The following ZFP36L1 variants were observed in gnomAD, a reference collection of about 807,000 sequenced individuals.
ZFP36L1 encodes mRNA decay activator protein ZFP36L1.
ZFP36L1 carries 4 observed loss-of-function variants against 16.7 expected under a neutral mutation model. That is an observed-to-expected ratio of 0.24 (90% confidence interval 0.12 to 0.55). ZFP36L1 has a LOEUF of 0.55. Among genes scored for constraint, ZFP36L1 ranks in the 20% least tolerant of loss-of-function variants. The probability of loss-of-function intolerance (pLI) is 0.94; values close to 1 mark genes in which losing one functional copy is unlikely to be tolerated. For synonymous variants in ZFP36L1, 220 were observed against 190.8 expected (o/e 1.15, Z -1.26); for missense variants, 311 against 449.2 (o/e 0.69, Z 2.78).
chr14:68,788,592 CT>C lies in ZFP36L1; in HGVS notation c.*940del, dbSNP rs878860578. On this transcript the variant is annotated 3_prime_UTR_variant, in exon 2 of 2. Coordinates refer to ENST00000439696, the MANE Select transcript of ZFP36L1 (RefSeq NM_004926.4). ...AATACCATTAACTGCTCACCCCTTACTTTTTTTTTTTTAGCTTTTCTCTCAT... is the reference window on the plus strand; with the variant it reads ...AATACCATTAACTGCTCACCCCTTACTTTTTTTTTTTAGCTTTTCTCTCAT... 253 of 142,464 alleles carry C rather than the reference CT, an allele frequency of 1.8e-3. No individual in the cohort carries two copies. Among genetic ancestry groups the C allele is most frequent in the Middle Eastern group, 7.1e-3 (2 of 280 alleles). 8.8% of individuals were successfully genotyped at this position (142,464 alleles called of 1,614,324 possible).
At chr14:68,795,326 CAA>C (rs990365946), upstream of ZFP36L1, among the ~76,000 whole-genome samples, 1 of 147,974 alleles carries the variant, frequency 6.8e-6, no homozygotes, top group East Asian at 2.1e-4. Context: ...CCACCCCCCC[CAA>C]AAAAGAGGCC....
In ZFP36L1 at chr14:68,790,199, C is replaced by G; in HGVS notation, c.351G>C (p.Thr117=). Residue 117 remains threonine (T), a synonymous_variant, in exon 2 of 2, where the codon ACG becomes ACC. Transcript: ENST00000439696. Reference sequence around the variant, plus strand: ...TTTCCTCAAAGGGGCGGCACAGCTCCGTCTTGTAGCGGCTGGAGTTGACCT... The same window carrying G: ...TTTCCTCAAAGGGGCGGCACAGCTCGGTCTTGTAGCGGCTGGAGTTGACCT... ...GGQVNSSRYK[T]ELCRPFEENG... The G allele has an allele frequency of 6.2e-7, 1 of 1,613,482 alleles. No homozygotes were observed. The highest frequency in any genetic ancestry group is 1.3e-5 in the African/African-American group (1 of 75,016).
rs958734227 is a variant in ZFP36L1 at position 68,788,229 on chromosome 14, C to T, written c.*1304G>A. The T allele has an allele frequency of 5.9e-5, 9 of 151,424 alleles. No individual in the cohort carries two copies. Among genetic ancestry groups the T allele is most frequent in the Non-Finnish European group, 7.4e-5 (5 of 67,894 alleles). 9.4% of individuals were successfully genotyped at this position (151,424 alleles called of 1,614,324 possible). ...ACTGTGGAAAAAAAGGAAAAAGACACGTCACAAAATTTTAAGATTAATATG... is the reference window on the plus strand; with the variant it reads ...ACTGTGGAAAAAAAGGAAAAAGACATGTCACAAAATTTTAAGATTAATATG... On this transcript the variant is annotated 3_prime_UTR_variant, in exon 2 of 2. Coordinates refer to ENST00000439696, the MANE Select transcript of ZFP36L1 (RefSeq NM_004926.4).
rs1895037883 is a variant in ZFP36L1 at position 68,790,414 on chromosome 14, C to A, written c.136G>T (p.Gly46Cys). 2 of 1,613,954 alleles carry A rather than the reference C, an allele frequency of 1.2e-6. No individual in the cohort carries two copies. Among genetic ancestry groups the A allele is most frequent in the Non-Finnish European group, 8.5e-7 (1 of 1,179,942 alleles). ...LDRKAVGTPA[G>C]GGFPRRHSVT... is the part of the protein sequence containing the mutation. ...GAGTGCCTCCGAGGGAAGCCCCCAC[C>A]AGCAGGGGTGCCCACTGCCTTTCTG... Residue 46 changes from glycine (G) to cysteine (C), a missense_variant, in exon 2 of 2, where the codon GGT becomes TGT. By Grantham distance (159) the Gly-to-Cys change is radical (BLOSUM62 -3). Around this residue, in one of 4 missense-constraint regions of ZFP36L1, gnomAD observed 137 missense variants for 142.6 expected, o/e 0.96. Coordinates refer to ENST00000439696, the MANE Select transcript of ZFP36L1 (RefSeq NM_004926.4).
intron 1 of ZFP36L1, chr14:68,791,355 A>G: frequency 4.3e-6 from 2 of 467,954 alleles, no homozygotes; most frequent in Non-Finnish European, 3.8e-6. Context: ...CCCACCTCCT[A>G]GTCAATAGCG....
In ZFP36L1 at chr14:68,788,175, A is replaced by G. The variant is rs1328946578; in HGVS notation, c.*1358T>C. 6.6e-6 allele frequency: 1 copy of G among 152,162 alleles called. No homozygotes were observed. The highest frequency in any genetic ancestry group is 1.5e-5 in the Non-Finnish European group (1 of 68,026). 9.4% of individuals were successfully genotyped at this position (152,162 alleles called of 1,614,324 possible). A position where few individuals can be genotyped will look rare whatever the true frequency, so the allele number is the denominator to read the frequency against. On this transcript the variant is annotated 3_prime_UTR_variant, in exon 2 of 2. Transcript: ENST00000439696. ...TAACCAAAAAAGTGTAAAGTTACAA[A>G]AAATGTCGTTGAAGAATAATATATT... is the stretch of plus-strand genomic sequence containing the variant.
intron 1 of ZFP36L1, among the ~76,000 whole-genome samples, chr14:68,792,136 T>G (rs1895092515): frequency 6.6e-6 from 1 of 151,954 alleles, no homozygotes; most frequent in African/African-American, 2.4e-5. Flanking sequence ...CCCCATTAAA[T>G]CCTTACTCGC....
chr14:68,794,690 G>C (rs1179162071), upstream of ZFP36L1: 3 of 152,418 alleles, frequency 2.0e-5, no homozygotes, highest in African/African-American at 7.2e-5. Flanking sequence ...TCTTTGGAAA[G>C]GACGGGGCGG....
intron 1 of ZFP36L1, among the ~76,000 whole-genome samples, chr14:68,792,621 G>C (rs1895123261): frequency 6.6e-6 from 1 of 152,210 alleles, no homozygotes; most frequent in South Asian, 2.1e-4. Context: ...AAGCCCCCGG[G>C]CTGCCCTGCC....
chr14:68,789,864 G>A lies in ZFP36L1; in HGVS notation c.686C>T (p.Pro229Leu). ...GAGGTCATCGGCGCTCAGAATAGGG[G>A]GTGGGGTGATGGACGTGGGGCTGTC... ...LLDSPTSITP[P>L]PILSADDLLG... Residue 229 changes from proline (P) to leucine (L), a missense_variant, in exon 2 of 2, where the codon CCC (proline) becomes CTC (leucine). By Grantham distance (98) the Pro-to-Leu change is moderately conservative. This residue lies in a region of ZFP36L1 where 147 missense variants were observed against 192.0 expected (regional missense o/e 0.77). Transcript: ENST00000439696. This position sits in a 1 kb window ranked among gnomAD's most constrained non-coding sequence, Gnocchi z 4.5. The A allele has an allele frequency of 6.2e-7, 1 of 1,610,800 alleles. No homozygotes were observed. The highest frequency in any genetic ancestry group is 8.5e-7 in the Non-Finnish European group (1 of 1,180,018).
rs1351863593 is a variant in ZFP36L1 at position 68,790,408 on chromosome 14, C to A, written c.142G>T (p.Gly48Cys). Reference sequence around the variant, plus strand: ...GTGACTGAGTGCCTCCGAGGGAAGCCCCCACCAGCAGGGGTGCCCACTGCC... The same window carrying A: ...GTGACTGAGTGCCTCCGAGGGAAGCACCCACCAGCAGGGGTGCCCACTGCC... ...RKAVGTPAGG[G>C]FPRRHSVTLP... The change falls in exon 2 of 2, where the codon GGC (glycine) becomes TGC (cysteine). Residue 48 changes from glycine (G) to cysteine (C), a missense_variant. Coordinates refer to ENST00000439696, the MANE Select transcript of ZFP36L1 (RefSeq NM_004926.4). 5 of 1,613,770 alleles carry A rather than the reference C, an allele frequency of 3.1e-6. No individual in the cohort carries two copies. In the Admixed American group the frequency reaches 8.3e-5, roughly 27 times the overall value.
In ZFP36L1 at chr14:68,789,971, A is replaced by T. The variant is rs537181795; in HGVS notation, c.579T>A (p.Ala193=). The change falls in exon 2 of 2, where the codon GCT becomes GCA. Residue 193 remains alanine (A), a synonymous_variant. Coordinates refer to ENST00000439696, the MANE Select transcript of ZFP36L1 (RefSeq NM_004926.4). The surrounding 1 kb of genome is among the most constrained non-coding windows in gnomAD (Gnocchi z 4.5). ...RALAGARDLS[A]DRPRLQHSFS... is the part of the protein sequence containing the mutation. ...AGCTATGCTGGAGGCGGGGACGGTC[A>T]GCGGAGAGGTCCCGGGCCCCGGCCA... 2 of 1,606,518 alleles carry T rather than the reference A, an allele frequency of 1.2e-6. No homozygotes were observed. The highest frequency in any genetic ancestry group is 2.7e-5 in the African/African-American group (2 of 74,830).
At position 68,790,106 on chromosome 14, in the gene ZFP36L1, G is replaced by A. The variant is rs1418681507; in HGVS notation, c.444C>T (p.Thr148=). The A allele has an allele frequency of 1.2e-6, 2 of 1,611,132 alleles. No homozygotes were observed. Residue 148 remains threonine (T), a synonymous_variant, in exon 2 of 2, where the codon ACC becomes ACT. Transcript: ENST00000439696. ...AHGIHELRSL[T]RHPKYKTELC... is the part of the protein sequence containing the mutation. The stretch of plus-strand genomic sequence containing the variant: ...GCTCCGTCTTGTACTTGGGGTGGCG[G>A]GTCAGGCTGCGGAGCTCGTGGATGC...
intron 1 of ZFP36L1, among the ~76,000 whole-genome samples, chr14:68,792,068 C>G (rs1895089956): frequency 6.6e-6 from 1 of 152,228 alleles, no homozygotes; most frequent in Admixed American, 6.5e-5. Flanking sequence ...CTGGAACATT[C>G]CGAGTTTAAA....
chr14:68,792,173 T>A (rs1895093996), intron 1 of ZFP36L1, among the ~76,000 whole-genome samples: 1 of 152,124 alleles, frequency 6.6e-6, no homozygotes, highest in East Asian at 1.9e-4. Context: ...AGCCAGCATT[T>A]TGTCGCCACC....
Position 68,789,262 on chromosome 14 carries a change from A to G in ZFP36L1, c.*271T>C, listed in dbSNP as rs1269113902. 2.2e-6 allele frequency: 1 copy of G among 448,824 alleles called. No individual in the cohort carries two copies. Among genetic ancestry groups the G allele is most frequent in the Non-Finnish European group, 4.0e-6 (1 of 251,980 alleles). The allele number at this position is 448,824 out of a possible 1,614,324, so 27.8% of individuals were successfully genotyped here. On this transcript the variant is annotated 3_prime_UTR_variant, in exon 2 of 2. Coordinates refer to ENST00000439696, the MANE Select transcript of ZFP36L1 (RefSeq NM_004926.4). The surrounding 1 kb of genome is among the most constrained non-coding windows in gnomAD (Gnocchi z 4.5). ...AAGGCATCTACTGACAAAATATGGG[A>G]CTTGTCTGTTATGCATGGTAAGTGG...
chr14:68,793,393 T>G, upstream of ZFP36L1: 1 of 1,000,394 alleles, frequency 1.0e-6, no homozygotes, highest in Non-Finnish European at 1.2e-6. Flanking sequence ...GCGCCCCCTC[T>G]CCGGGGCCGC....
In ZFP36L1 at chr14:68,793,016, C is replaced by T; in HGVS notation, c.-78G>A. 6.2e-7 allele frequency: 1 copy of T among 1,606,930 alleles called. No individual in the cohort carries two copies. Among genetic ancestry groups the T allele is most frequent in the Non-Finnish European group, 8.5e-7 (1 of 1,178,696 alleles). ...CGGTGCGGGGAAGGCGCAGCCTCTC[C>T]TGTCTGGAGTCCCACACGCCAGTTC... On this transcript the variant is annotated 5_prime_UTR_variant, in exon 1 of 2. Coordinates refer to ENST00000439696, the MANE Select transcript of ZFP36L1 (RefSeq NM_004926.4).
Position 68,790,015 on chromosome 14 carries a change from C to G in ZFP36L1, c.535G>C (p.Ala179Pro), listed in dbSNP as rs1266218244. Residue 179 changes from alanine to proline, a missense_variant, in exon 2 of 2, where the codon GCT (alanine) becomes CCT (proline). Coordinates refer to ENST00000439696, the MANE Select transcript of ZFP36L1 (RefSeq NM_004926.4). ...CCGGCCAGGGCACGGCGCTCTTCAG[C>G]GTTGTGGATGAAGTGGCAGCGGGGC... Reference protein sequence around the residue: ...YGPRCHFIHNAEERRALAGAR... With the variant: ...YGPRCHFIHNPEERRALAGAR... The G allele has an allele frequency of 3.1e-6, 5 of 1,609,224 alleles. No homozygotes were observed. The highest frequency in any genetic ancestry group is 4.2e-6 in the Non-Finnish European group (5 of 1,178,320).
Sources: allele counts gnomAD v4.1 joint callset (sites outside exome capture counted in the v4.1 genomes callset), GRCh38; gene constraint gnomAD v4.1.1; regional missense constraint gnomAD v4.1.1; non-coding constraint Gnocchi (gnomAD v3.1); transcripts MANE v1.5; gene names NCBI Gene and HGNC (gene_info 2026-07-23, HGNC 2026-07-21).